GCC2: variants seen among roughly 807,000 people sequenced by gnomAD.
The protein encoded by GCC2 is GRIP and coiled-coil domain containing 2, also known as GRIP and coiled-coil domain-containing protein 2.
GCC2 carries 120 observed loss-of-function variants against 210.6 expected under a neutral mutation model. That is an observed-to-expected ratio of 0.57 (90% CI 0.49 to 0.66). The LOEUF is 0.66. GCC2 is among the 30% of genes least tolerant of loss of function. The probability of loss-of-function intolerance (pLI) is 0.00; values close to 1 mark genes in which losing one functional copy is unlikely to be tolerated. For missense variants in GCC2, 1,868 were observed against 1,871.9 expected (o/e 1.00, Z 0.04); for synonymous variants, 703 against 652.7 (o/e 1.08, Z -1.17).
chr2:108,457,131 C>G (rs978235280), intron 4 of GCC2, among the ~76,000 whole-genome samples: 2 of 151,766 alleles, frequency 1.3e-5, no homozygotes, highest in African/African-American at 4.8e-5. Flanking sequence ...TAATATAAGT[C>G]TTTAATCTAT....
rs768195223 is a variant in GCC2 at position 108,471,050 on chromosome 2, G to C, written c.1721G>C (p.Ser574Thr). 12 of 1,597,720 alleles carry C rather than the reference G, an allele frequency of 7.5e-6. No homozygotes were observed. The highest frequency in any genetic ancestry group is 1.0e-5 in the Non-Finnish European group (12 of 1,166,988). ...LQEKNGVYLLSLSQRDTMLKE... is the reference protein window; with the variant it reads ...LQEKNGVYLLTLSQRDTMLKE... Reference sequence around the variant, plus strand: ...GAAAAGAATGGAGTATACTTACTTAGTCTCAGTCAAAGAGATACCATGTTA... The same window carrying C: ...GAAAAGAATGGAGTATACTTACTTACTCTCAGTCAAAGAGATACCATGTTA... The change falls in exon 6 of 23, where the codon AGT becomes ACT. Residue 574 changes from serine (S) to threonine (T), a missense_variant. Ser to Thr is a moderately conservative substitution (Grantham distance 58, BLOSUM62 1). Coordinates refer to ENST00000309863, the MANE Select transcript of GCC2 (RefSeq NM_181453.4).
chr2:108,479,748 CT>C (rs2104471099), intron 9 of GCC2, among the ~76,000 whole-genome samples: 1 of 151,974 alleles, frequency 6.6e-6, no homozygotes, highest in South Asian at 2.1e-4. Context: ...CTTTGGGAGG[CT>C]TGAGGCATGC....
At chr2:108,480,507 C>G (rs1038197194) in intron 9 of GCC2, among the ~76,000 whole-genome samples, 9 of 152,148 alleles carry the variant, frequency 5.9e-5, no homozygotes, top group Non-Finnish European at 8.8e-5. Flanking sequence ...ACCGAAAGGC[C>G]TGTCAGTGGT....
intron 4 of GCC2, among the ~76,000 whole-genome samples, chr2:108,455,918 A>G (rs563474840): frequency 9.2e-5 from 14 of 152,304 alleles, no homozygotes; most frequent in African/African-American, 3.1e-4. Flanking sequence ...TTTGTTTTCA[A>G]TGACTACCAA....
chr2:108,453,377 A>G (rs1008341099), intron 4 of GCC2, among the ~76,000 whole-genome samples: 1 of 152,196 alleles, frequency 6.6e-6, no homozygotes. Context: ...TTTATGTTAA[A>G]CACATCAAAT....
chr2:108,455,484 GT>G (rs1286144005), intron 4 of GCC2, among the ~76,000 whole-genome samples: 7 of 151,516 alleles, frequency 4.6e-5, no homozygotes, highest in Admixed American at 2.0e-4. Context: ...TACCTTTAAG[GT>G]TTTTTTTCTT....
chr2:108,499,271 G>T (rs1376838813), intron 21 of GCC2, among the ~76,000 whole-genome samples: 6 of 152,042 alleles, frequency 3.9e-5, no homozygotes, highest in African/African-American at 9.7e-5. Flanking sequence ...CCAACACTTG[G>T]TTCATACGCA....
chr2:108,471,600 T>G lies in GCC2; in HGVS notation c.2271T>G (p.Thr757=). ...NEQVQKLFVK[T]QLYGFLKEMG... ...AAGTTCAGAAGTTATTTGTTAAAAC[T>G]CAGTTGTATGGTTTTCTTAAAGAAA... Residue 757 remains threonine, a synonymous_variant, in exon 6 of 23, where the codon ACT becomes ACG. Transcript: ENST00000309863. 6.2e-7 allele frequency: 1 copy of G among 1,612,858 alleles called. No homozygotes were observed. The highest frequency in any genetic ancestry group is 1.3e-5 in the African/African-American group (1 of 74,990).
At chr2:108,457,919 T>G (rs1405635591) in intron 4 of GCC2, among the ~76,000 whole-genome samples, 2 of 152,220 alleles carry the variant, frequency 1.3e-5, no homozygotes, top group Non-Finnish European at 2.9e-5. Flanking sequence ...GTTTATTTCT[T>G]TCTCTTGCCT....
At chr2:108,464,367 G>T (rs114539745) in intron 4 of GCC2, among the ~76,000 whole-genome samples, 1 of 152,186 alleles carries the variant, frequency 6.6e-6, no homozygotes, top group Non-Finnish European at 1.5e-5. Context: ...CCAGGTTGCC[G>T]GGCAAGACAT....
In GCC2 at chr2:108,508,725, G is replaced by A. The variant is rs1258343650; in HGVS notation, c.*1095G>A. The A allele has an allele frequency of 2.0e-5, 3 of 152,604 alleles. No homozygotes were observed. Among genetic ancestry groups the A allele is most frequent in the East Asian group, 1.9e-4 (1 of 5,192 alleles). The allele number at this position is 152,604 out of a possible 1,614,324, so 9.5% of individuals were successfully genotyped here. A position where few individuals can be genotyped will look rare whatever the true frequency, so the allele number is the denominator to read the frequency against. Reference sequence around the variant, plus strand: ...CGTGCTACATCGTCACAGTTCCTCCGAATAACCTTAGGTGGTAGTGTTACT... The same window carrying A: ...CGTGCTACATCGTCACAGTTCCTCCAAATAACCTTAGGTGGTAGTGTTACT... On this transcript the variant is annotated 3_prime_UTR_variant, in exon 23 of 23. Transcript: ENST00000309863.
chr2:108,459,906 G>A (rs1377615407), intron 4 of GCC2, among the ~76,000 whole-genome samples: 2 of 152,000 alleles, frequency 1.3e-5, no homozygotes, highest in African/African-American at 4.8e-5. Flanking sequence ...AGGCTGGAGT[G>A]CAGTGGCGCA....
chr2:108,484,791 G>C (rs1282623578), intron 13 of GCC2: 1 of 151,636 alleles, frequency 6.6e-6, no homozygotes, highest in African/African-American at 2.4e-5. Context: ...TCTCTGTTTT[G>C]GTACCAGTAC....
intron 16 of GCC2, 67 bp downstream of exon 16, chr2:108,486,715 C>T (rs1682160671): frequency 1.4e-6 from 2 of 1,447,740 alleles, no homozygotes; most frequent in Admixed American, 4.1e-5. Flanking sequence ...TTGGTTTACT[C>T]CAGGGCTGTG....
chr2:108,478,382 T>C (rs185594259), intron 9 of GCC2, among the ~76,000 whole-genome samples: 19 of 152,342 alleles, frequency 1.2e-4, no homozygotes, highest in Non-Finnish European at 2.6e-4. Flanking sequence ...TAAAAACACA[T>C]GTACCTACGC....
Position 108,501,113 on chromosome 2 carries a change from A to G in GCC2, c.4984+1359A>G, listed in dbSNP as rs190551297. 5.0e-4 allele frequency among the ~76,000 whole-genome samples: 76 copies of G among 151,860 alleles called. 1 individual carries two copies. The East Asian group carries it at 0.011, about 22-fold the overall frequency. On this transcript the variant is annotated intron_variant, in intron 22 of 22. Coordinates refer to ENST00000309863, the MANE Select transcript of GCC2 (RefSeq NM_181453.4). ...CAGATTCAAGCGATTCTCCTGCCTCAGCCTCCCCAGCAGCTGGGACTACAG... is the reference window on the plus strand; with the variant it reads ...CAGATTCAAGCGATTCTCCTGCCTCGGCCTCCCCAGCAGCTGGGACTACAG...
At chr2:108,468,517 T>C (rs1446962688) in intron 4 of GCC2, among the ~76,000 whole-genome samples, 2 of 152,190 alleles carry the variant, frequency 1.3e-5, no homozygotes, top group Admixed American at 1.3e-4. Context: ...ATTTCCTCTT[T>C]AATTTCTGCA....
At chr2:108,451,368 A>G (rs1438494925) in intron 3 of GCC2, among the ~76,000 whole-genome samples, 1 of 152,222 alleles carries the variant, frequency 6.6e-6, no homozygotes, top group South Asian at 2.1e-4. Context: ...GTGTAAGTTA[A>G]GTGTGTTTTT....
Position 108,492,794 on chromosome 2 carries a change from T to C in GCC2, c.4447+4T>C, listed in dbSNP as rs1476165447. 5.1e-6 allele frequency: 8 copies of C among 1,574,862 alleles called. No homozygotes were observed. Among genetic ancestry groups the C allele is most frequent in the Admixed American group, 1.7e-5 (1 of 59,976 alleles). On this transcript the variant is annotated splice_donor_region_variant and intron_variant, in intron 19 of 22. Coordinates refer to ENST00000309863, the MANE Select transcript of GCC2 (RefSeq NM_181453.4). ...AAGAATGAACCGACCACAAGAAGTA[T>C]GTATGTACACATGGAAATATTAGTT...
Sources: gnomAD v4.1 joint callset for allele counts (sites outside exome capture counted in the v4.1 genomes callset) on GRCh38, gnomAD v4.1.1 for gene constraint, MANE v1.5 for transcripts, NCBI Gene and HGNC (gene_info 2026-07-23, HGNC 2026-07-21) for gene names.